Variants in MRC2 observed in about 807,000 individuals in gnomAD.
MRC2 encodes the protein mannose receptor C-type 2.
In MRC2, 84 loss-of-function variants were observed where a neutral mutation model predicts 206.2. That is an observed-to-expected ratio of 0.41 (90% confidence interval 0.34 to 0.49). MRC2 has a LOEUF of 0.49. Among genes scored for constraint, MRC2 ranks in the 20% least tolerant of loss-of-function variants. The pLI is 0.31. For synonymous variants in MRC2, 798 were observed against 800.0 expected (o/e 1.00, Z 0.04); for missense variants, 1,676 against 2,001.5 (o/e 0.84, Z 3.10).
chr17:62,692,513 C>A lies in MRC2; in HGVS notation c.*62C>A. The A allele has an allele frequency of 6.8e-7, 1 of 1,472,568 alleles. No homozygotes were observed. Among genetic ancestry groups the A allele is most frequent in the Non-Finnish European group, 9.2e-7 (1 of 1,089,034 alleles). 91.2% of individuals were successfully genotyped at this position (1,472,568 alleles called of 1,614,324 possible). ...TGGGGAGCTGGGGCCCTGGGTCAGTCTGGCCCCCCACCAGCTGCCTGTCCA... is the reference window on the plus strand; with the variant it reads ...TGGGGAGCTGGGGCCCTGGGTCAGTATGGCCCCCCACCAGCTGCCTGTCCA... On this transcript the variant is annotated 3_prime_UTR_variant, in exon 30 of 30. Transcript: ENST00000303375. The surrounding 1 kb of genome is among the most constrained non-coding windows in gnomAD (Gnocchi z 4.2).
At chr17:62,662,018 A>G (rs2088686958) in intron 1 of MRC2, among the ~76,000 whole-genome samples, 1 of 151,608 alleles carries the variant, frequency 6.6e-6, no homozygotes, top group Non-Finnish European at 1.5e-5. Flanking sequence ...GAGTCTGAGG[A>G]GGGCAGATTC....
At position 62,635,351 on chromosome 17, in the gene MRC2, C is replaced by A. The variant is rs530739401; in HGVS notation, c.118+7431C>A. On this transcript the variant is annotated intron_variant, in intron 1 of 29. Coordinates refer to ENST00000303375, the MANE Select transcript of MRC2 (RefSeq NM_006039.5). ...AATCCCACCCTCAATGGTCCTACCC[C>A]CTAAAGCCCCTCAATTTATCACCAT... 3.3e-5 allele frequency among the ~76,000 whole-genome samples: 5 copies of A among 152,154 alleles called. No individual in the cohort carries two copies. The East Asian group carries it at 7.7e-4, about 24-fold the overall frequency.
chr17:62,655,688 C>G (rs1483955039), intron 1 of MRC2, among the ~76,000 whole-genome samples: 2 of 148,798 alleles, frequency 1.3e-5, no homozygotes, highest in Non-Finnish European at 3.0e-5. Flanking sequence ...CACTGCACTC[C>G]AGCCTGGACA....
Position 62,671,519 on chromosome 17 carries a change from C to G in MRC2, c.1118-130C>G. On this transcript the variant is annotated intron_variant, in intron 6 of 29. Coordinates refer to ENST00000303375, the MANE Select transcript of MRC2 (RefSeq NM_006039.5). This position sits in a 1 kb window ranked among gnomAD's most constrained non-coding sequence, Gnocchi z 4.5. Reference sequence around the variant, plus strand: ...CATTTCCAAGACCTGTGGTGGGGACCGGGATTGATCTGGGAGAGTTTGGAG... The same window carrying G: ...CATTTCCAAGACCTGTGGTGGGGACGGGGATTGATCTGGGAGAGTTTGGAG... The G allele has an allele frequency of 2.6e-6, 2 of 778,950 alleles. No homozygotes were observed. Among genetic ancestry groups the G allele is most frequent in the Non-Finnish European group, 3.9e-6 (2 of 511,226 alleles). 48.3% of individuals were successfully genotyped at this position (778,950 alleles called of 1,614,324 possible).
rs76093441 is a variant in MRC2, at chr17:62,666,705, G to A, written c.860-52G>A. The A allele has an allele frequency of 3.1e-6, 5 of 1,591,036 alleles. No individual in the cohort carries two copies. The highest frequency in any genetic ancestry group is 1.3e-5 in the African/African-American group (1 of 74,500). On this transcript the variant is annotated intron_variant, in intron 4 of 29. Coordinates refer to ENST00000303375, the MANE Select transcript of MRC2 (RefSeq NM_006039.5). This position sits in a 1 kb window ranked among gnomAD's most constrained non-coding sequence, Gnocchi z 5.0. ...GGTTGGGGAGAGGGCGATGGGGAGC[G>A]GGGGAGGCTGGGGCTGGGGATCCCC...
Position 62,692,178 on chromosome 17 carries a change from G to GGGGGC in MRC2, c.4219+40_4219+41insGGGGC. 1.2e-6 allele frequency: 2 copies of GGGGGC among 1,614,082 alleles called. No individual in the cohort carries two copies. Among genetic ancestry groups the GGGGGC allele is most frequent in the Non-Finnish European group, 1.7e-6 (2 of 1,180,018 alleles). On this transcript the variant is annotated intron_variant, in intron 29 of 29. Coordinates refer to ENST00000303375, the MANE Select transcript of MRC2 (RefSeq NM_006039.5). The surrounding 1 kb of genome is among the most constrained non-coding windows in gnomAD (Gnocchi z 4.2). ...ATGCCCCCAGGTGGGCAGGCAGGAA[G>GGGGGC]CACTGCTGGGCCTAACGCCCACTTG...
At chr17:62,643,584 A>G (rs1280411269) in intron 1 of MRC2, among the ~76,000 whole-genome samples, 4 of 152,232 alleles carry the variant, frequency 2.6e-5, no homozygotes, top group Admixed American at 2.6e-4. Context: ...TAAGGCAACA[A>G]AGATCAAAAT....
intron 19 of MRC2, 30 bp from the exon 20 acceptor site, chr17:62,682,205 G>C: frequency 6.5e-7 from 1 of 1,535,624 alleles, no homozygotes; most frequent in Non-Finnish European, 8.8e-7. Context: ...CTGCCCTGGG[G>C]GTGACTGCCC....
At chr17:62,663,984 G>T (rs1467141913) in intron 1 of MRC2, among the ~76,000 whole-genome samples, 1 of 146,152 alleles carries the variant, frequency 6.8e-6, no homozygotes, top group South Asian at 2.2e-4. Context: ...TTTTGAGACG[G>T]AGTCTCGCTC....
At chr17:62,645,411 T>A (rs554119657) in intron 1 of MRC2, among the ~76,000 whole-genome samples, 124 of 147,854 alleles carry the variant, frequency 8.4e-4, no homozygotes, top group African/African-American at 2.9e-3. Context: ...ATCTCAAAAA[T>A]ATATATATAT....
Position 62,680,402 on chromosome 17 carries a change from GTCCTTGTTC to G in MRC2, c.2438-15_2438-7del. ...GGTCTCCTTTCCTCACAACGTCTTT[GTCCTTGTTC>G]CCCTAGGTACGGACGTGCGGGAGCC... On this transcript the variant is annotated splice_polypyrimidine_tract_variant and splice_region_variant and intron_variant, in intron 15 of 29. Coordinates refer to ENST00000303375, the MANE Select transcript of MRC2 (RefSeq NM_006039.5). This position sits in a 1 kb window ranked among gnomAD's most constrained non-coding sequence, Gnocchi z 4.8. The G allele has an allele frequency of 3.1e-6, 5 of 1,614,100 alleles. No homozygotes were observed. The highest frequency in any genetic ancestry group is 4.2e-6 in the Non-Finnish European group (5 of 1,179,994).
intron 1 of MRC2, among the ~76,000 whole-genome samples, chr17:62,646,232 G>A (rs952377585): frequency 6.6e-6 from 1 of 151,704 alleles, no homozygotes; most frequent in Non-Finnish European, 1.5e-5. Context: ...CACCGTGTTG[G>A]CCAGGATTGT....
Position 62,680,872 on chromosome 17 carries a change from C to A in MRC2, c.2546C>A (p.Ala849Glu), listed in dbSNP as rs1478480557. Reference protein sequence around the residue: ...FFEHHSTWAQAQRICTWFQAE... With the variant: ...FFEHHSTWAQEQRICTWFQAE... ...GAGCACCACTCCACGTGGGCGCAGG[C>A]GCAGCGCATCTGCACGTGGTTCCAG... is the stretch of plus-strand genomic sequence containing the variant. Residue 849 changes from alanine to glutamate, a missense_variant, in exon 17 of 30, where the codon GCG becomes GAG. Ala to Glu is a moderately radical substitution (Grantham distance 107). Around this residue, in one of 3 missense-constraint regions of MRC2, gnomAD observed 1,354 missense variants for 1,636.6 expected, o/e 0.83. Transcript: ENST00000303375. This position sits in a 1 kb window ranked among gnomAD's most constrained non-coding sequence, Gnocchi z 4.8. 6.2e-7 allele frequency: 1 copy of A among 1,612,952 alleles called. No individual in the cohort carries two copies. The highest frequency in any genetic ancestry group is 1.3e-5 in the African/African-American group (1 of 74,954).
chr17:62,676,609 C>G, intron 11 of MRC2, 78 bp downstream of exon 11: 1 of 1,505,318 alleles, frequency 6.6e-7, no homozygotes, highest in Non-Finnish European at 8.9e-7. Context: ...CACCGAGCCC[C>G]AGGGCTTCCC....
chr17:62,683,790 A>G (rs1331174946), intron 20 of MRC2: 1 of 151,936 alleles, frequency 6.6e-6, no homozygotes, highest in Non-Finnish European at 1.5e-5. Flanking sequence ...TCCTGAACCC[A>G]GGAGGTAGAG....
In MRC2 at chr17:62,689,982, C is replaced by T; in HGVS notation, c.3662C>T (p.Thr1221Ile). The change falls in exon 25 of 30, where the codon ACC becomes ATC. Residue 1221 changes from threonine to isoleucine, a missense_variant. This residue lies in a region of MRC2 where 1,354 missense variants were observed against 1,636.6 expected (regional missense o/e 0.83). Coordinates refer to ENST00000303375, the MANE Select transcript of MRC2 (RefSeq NM_006039.5). ...GAGCCGCAGCAGCCGGGGGGCTGTACCTACGTAGATGTGGACGGGGCCTGG... is the reference window on the plus strand; with the variant it reads ...GAGCCGCAGCAGCCGGGGGGCTGTATCTACGTAGATGTGGACGGGGCCTGG... Reference protein sequence around the residue: ...DGEPQQPGGCTYVDVDGAWRT... With the variant: ...DGEPQQPGGCIYVDVDGAWRT... 1.2e-6 allele frequency: 2 copies of T among 1,612,720 alleles called. No homozygotes were observed. Among genetic ancestry groups the T allele is most frequent in the Non-Finnish European group, 1.7e-6 (2 of 1,179,888 alleles).
chr17:62,667,465 A>T lies in MRC2; in HGVS notation c.1049A>T (p.Asp350Val). 1 of 1,612,788 alleles carries T rather than the reference A, an allele frequency of 6.2e-7. No homozygotes were observed. Among genetic ancestry groups the T allele is most frequent in the Non-Finnish European group, 8.5e-7 (1 of 1,179,772 alleles). The change falls in exon 6 of 30, where the codon GAC (aspartate) becomes GTC (valine). Residue 350 changes from aspartate to valine, a missense_variant. Transcript: ENST00000303375. The surrounding 1 kb of genome is among the most constrained non-coding windows in gnomAD (Gnocchi z 4.1). ...TESSGGWQNR[D>V]CSIALPYVCK... ...TCCTCGGGCGGCTGGCAGAACCGTGACTGCAGCATCGCGCTGCCCTATGTG... is the reference window on the plus strand; with the variant it reads ...TCCTCGGGCGGCTGGCAGAACCGTGTCTGCAGCATCGCGCTGCCCTATGTG...
intron 1 of MRC2, among the ~76,000 whole-genome samples, chr17:62,632,818 G>T (rs1027929794): frequency 1.3e-5 from 2 of 152,184 alleles, no homozygotes; most frequent in African/African-American, 4.8e-5. Flanking sequence ...CCTCAGGAGG[G>T]CACATGTAGG....
In MRC2 at chr17:62,666,553, A is replaced by C. The variant is rs1330995165; in HGVS notation, c.793A>C (p.Ser265Arg). ...GCTGTCGTGGAGGGAGGCCTGGGCC[A>C]GCTGCGAGCAGCAGGGTGCGGATCT... ...STLSWREAWA[S>R]CEQQGADLLS... Residue 265 changes from serine to arginine, a missense_variant, in exon 4 of 30, where the codon AGC becomes CGC. Coordinates refer to ENST00000303375, the MANE Select transcript of MRC2 (RefSeq NM_006039.5). The surrounding 1 kb of genome is among the most constrained non-coding windows in gnomAD (Gnocchi z 5.0). 1 of 1,612,546 alleles carries C rather than the reference A, an allele frequency of 6.2e-7. No individual in the cohort carries two copies. Among genetic ancestry groups the C allele is most frequent in the Non-Finnish European group, 8.5e-7 (1 of 1,179,534 alleles).
Sources: allele counts gnomAD v4.1 joint callset (sites outside exome capture counted in the v4.1 genomes callset), GRCh38; gene constraint gnomAD v4.1.1; regional missense constraint gnomAD v4.1.1; non-coding constraint Gnocchi (gnomAD v3.1); transcripts MANE v1.5; gene names NCBI Gene and HGNC (gene_info 2026-07-23, HGNC 2026-07-21).